Variants in ITGAM observed in about 807,000 individuals in gnomAD.
ITGAM encodes the protein integrin subunit alpha M.
In ITGAM, 79 loss-of-function variants were observed where a neutral mutation model predicts 137.5. The ratio of observed to expected loss-of-function variants is 0.57; its 90% CI spans 0.48 to 0.69. ITGAM has a LOEUF of 0.69. ITGAM is among the 30% of genes least tolerant of loss of function. The probability of loss-of-function intolerance (pLI) is 0.00; values close to 1 mark genes in which losing one functional copy is unlikely to be tolerated. For synonymous variants in ITGAM, 583 were observed against 592.3 expected, an observed-to-expected ratio of 0.98 and a Z score of 0.23; for missense variants, 1,343 against 1,483.5, an observed-to-expected ratio of 0.91 and a Z score of 1.56.
chr16:31,274,335 G>A (rs1208130147), intron 8 of ITGAM, among the ~76,000 whole-genome samples: 1 of 152,178 alleles, frequency 6.6e-6, no homozygotes, highest in African/African-American at 2.4e-5. Context: ...GAGGAGAAAG[G>A]ATGAATGAAA....
intron 5 of ITGAM, among the ~76,000 whole-genome samples, chr16:31,269,750 T>A (rs1354008264): frequency 6.6e-6 from 1 of 152,062 alleles, no homozygotes; most frequent in African/African-American, 2.4e-5. Context: ...CTCACCAGGG[T>A]CTGGAGAGAG....
intron 14 of ITGAM, among the ~76,000 whole-genome samples, chr16:31,302,920 CTTT>C (rs1481028141): frequency 1.5e-3 from 9 of 5,914 alleles, no homozygotes; most frequent in African/African-American, 2.6e-3. Flanking sequence ...TTCCCTCCCT[CTTT>C]CTTTCTTTCT....
chr16:31,295,671 C>T (rs2080125868), intron 12 of ITGAM, among the ~76,000 whole-genome samples: 1 of 150,924 alleles, frequency 6.6e-6, no homozygotes, highest in African/African-American at 2.4e-5. Flanking sequence ...TAAACAGAGA[C>T]AAATTTCCTT....
At chr16:31,310,261 G>A (rs1213467574) in intron 14 of ITGAM, among the ~76,000 whole-genome samples, 1 of 152,170 alleles carries the variant, frequency 6.6e-6, no homozygotes, top group African/African-American at 2.4e-5. Context: ...GATTGGGGAA[G>A]TTCTCCTGGA....
chr16:31,260,121 G>T, intron 1 of ITGAM, 29 bp downstream of exon 1: 1 of 1,461,820 alleles, frequency 6.8e-7, no homozygotes, highest in Non-Finnish European at 9.4e-7. Context: ...GGGGACTCTG[G>T]GTGGGGAGGA....
intron 2 of ITGAM, among the ~76,000 whole-genome samples, chr16:31,262,767 G>A (rs935842690): frequency 1.3e-5 from 2 of 152,074 alleles, no homozygotes; most frequent in South Asian, 2.1e-4. Flanking sequence ...TATGGACCCT[G>A]AAGCCTAAAA....
At chr16:31,278,449 C>T (rs1387649158) in intron 12 of ITGAM, among the ~76,000 whole-genome samples, 1 of 152,090 alleles carries the variant, frequency 6.6e-6, no homozygotes, top group Non-Finnish European at 1.5e-5. Context: ...TCCCCCTCAC[C>T]CATGCACTCT....
At chr16:31,322,671 G>A (rs2080462183) in intron 16 of ITGAM, among the ~76,000 whole-genome samples, 1 of 152,134 alleles carries the variant, frequency 6.6e-6, no homozygotes, top group South Asian at 2.1e-4. Context: ...AGACCCACAG[G>A]TGATTCAGAA....
At chr16:31,296,063 C>T (rs78748952) in intron 12 of ITGAM, among the ~76,000 whole-genome samples, 13,017 of 151,136 alleles carry the variant, frequency 0.086, 743 homozygotes, top group Middle Eastern at 0.19. Flanking sequence ...CATCTCGCAT[C>T]CCAGGGATAA....
intron 12 of ITGAM, among the ~76,000 whole-genome samples, chr16:31,281,999 G>A (rs1393824226): frequency 6.6e-6 from 1 of 152,166 alleles, no homozygotes; most frequent in Admixed American, 6.5e-5. Flanking sequence ...TCAGGAGCAG[G>A]TTGTTCAGTT....
At position 31,327,986 on chromosome 16, in the gene ITGAM, G is replaced by A. The variant is rs537001427; in HGVS notation, c.2709-161G>A. 33 of 636,274 alleles carry A rather than the reference G, an allele frequency of 5.2e-5. 1 individual carries two copies. The South Asian group carries it at 5.6e-4, about 11-fold the overall frequency. The allele number at this position is 636,274 out of a possible 1,614,324, so 39.4% of individuals were successfully genotyped here. ...CAGACATCCAGCTGGAGAGGGATGG[G>A]CCTGGGCTAGGCGGGGGCAGGGGTT... On this transcript the variant is annotated intron_variant, in intron 22 of 29. Transcript: ENST00000544665.
Position 31,278,052 on chromosome 16 carries a change from G to T in ITGAM, c.1299G>T (p.Ala433=), listed in dbSNP as rs751430443. ...APRYQHIGLV[A]MFRQNTGMWE... Reference sequence around the variant, plus strand: ...GATATCAGCACATCGGCCTGGTAGCGATGTTCAGGCAGAACACTGGCATGT... The same window carrying T: ...GATATCAGCACATCGGCCTGGTAGCTATGTTCAGGCAGAACACTGGCATGT... The change falls in exon 12 of 30, where the codon GCG becomes GCT. Residue 433 remains alanine, a synonymous_variant. Coordinates refer to ENST00000544665, the MANE Select transcript of ITGAM (RefSeq NM_000632.4). 1 of 1,608,274 alleles carries T rather than the reference G, an allele frequency of 6.2e-7. No homozygotes were observed. Among genetic ancestry groups the T allele is most frequent in the East Asian group, 2.2e-5 (1 of 44,654 alleles).
chr16:31,274,177 C>G (rs2079881479), intron 8 of ITGAM, among the ~76,000 whole-genome samples: 1 of 152,216 alleles, frequency 6.6e-6, no homozygotes, highest in South Asian at 2.1e-4. Flanking sequence ...TTAGTGCATC[C>G]TGTTCCCTCA....
intron 21 of ITGAM, among the ~76,000 whole-genome samples, chr16:31,325,941 C>G (rs1481119679): frequency 6.6e-6 from 1 of 152,000 alleles, no homozygotes; most frequent in Non-Finnish European, 1.5e-5. Context: ...TGGTGCACAC[C>G]TGTAGTCCCA....
intron 19 of ITGAM, 65 bp downstream of exon 19, chr16:31,325,096 C>T: frequency 6.6e-7 from 1 of 1,515,784 alleles, no homozygotes; most frequent in East Asian, 2.3e-5. Context: ...CTCTTTTCTC[C>T]TCCTGGCCCC....
chr16:31,314,749 TC>T (rs1356885335), intron 14 of ITGAM, among the ~76,000 whole-genome samples: 1 of 152,078 alleles, frequency 6.6e-6, no homozygotes, highest in Non-Finnish European at 1.5e-5. Flanking sequence ...AAAGTAGTTT[TC>T]ACAAGATCAG....
chr16:31,331,628 C>G lies in ITGAM; in HGVS notation c.3388-8C>G. 1 of 1,602,680 alleles carries G rather than the reference C, an allele frequency of 6.2e-7. No homozygotes were observed. On this transcript the variant is annotated splice_region_variant and splice_polypyrimidine_tract_variant and intron_variant, in intron 29 of 29. Coordinates refer to ENST00000544665, the MANE Select transcript of ITGAM (RefSeq NM_000632.4). ...CTGTCGCTCTCACTGCCCTCCTCTG[C>G]CCCGCAGCTCGGCTTCTTCAAGCGG...
rs1297095148 is a variant in ITGAM at position 31,329,237 on chromosome 16, C to T, written c.2802C>T (p.Val934=). 1.2e-6 allele frequency: 2 copies of T among 1,611,466 alleles called. No individual in the cohort carries two copies. Among genetic ancestry groups the T allele is most frequent in the Non-Finnish European group, 8.5e-7 (1 of 1,177,966 alleles). ...TTTTTTCTCCCTTCAGCCATGGGGT[C>T]TCCACTAAATATCTCAACTTCACGG... ...AVYMVVTSHG[V]STKYLNFTAS... Residue 934 remains valine (V), a synonymous_variant, in exon 24 of 30, where the codon GTC becomes GTT. Transcript: ENST00000544665.
At chr16:31,312,232 A>G (rs2080341076) in intron 14 of ITGAM, among the ~76,000 whole-genome samples, 1 of 151,872 alleles carries the variant, frequency 6.6e-6, no homozygotes, top group South Asian at 2.1e-4. Context: ...ACATGTATAC[A>G]TATGTAACAA....
Sources: allele counts gnomAD v4.1 joint callset (sites outside exome capture counted in the v4.1 genomes callset), GRCh38; gene constraint gnomAD v4.1.1; transcripts MANE v1.5; gene names NCBI Gene and HGNC (gene_info 2026-07-23, HGNC 2026-07-21).